The following MASP2 variants were observed in gnomAD, a reference collection of about 807,000 sequenced individuals.
The protein encoded by MASP2 is mannan-binding lectin serine protease 2.
In MASP2, 49 loss-of-function variants were observed where a neutral mutation model predicts 57.1. The observed-to-expected ratio is 0.86, with a 90% CI of 0.68 to 1.09. The LOEUF (loss-of-function observed/expected upper bound fraction) is 1.09. Among genes scored for constraint, MASP2 ranks in the 50% least tolerant of loss-of-function variants. The pLI is 0.00. For synonymous variants in MASP2, 379 were observed against 340.8 expected (o/e 1.11, Z -1.24); for missense variants, 900 against 874.8 (o/e 1.03, Z -0.36).
chr1:11,045,327 C>A (rs1484589177), intron 4 of MASP2, 81 bp downstream of exon 4: 2 of 1,600,294 alleles, frequency 1.2e-6, no homozygotes, highest in South Asian at 2.2e-5. Flanking sequence ...CCTCCGCACC[C>A]CTGGGCAGAG....
rs1200215608 is a variant in MASP2 at position 11,033,955 on chromosome 1, ACACACACACACTCTCTCT to A, written c.1087+855_1087+872del. Among the ~76,000 whole-genome samples the A allele has an allele frequency of 5.6e-4, 39 of 69,622 alleles. 1 individual carries two copies. The highest frequency in any genetic ancestry group is 3.4e-3 in the Admixed American group (22 of 6,420). The allele number at this position is 69,622 out of a possible 152,430, so 45.7% of individuals were successfully genotyped here. On this transcript the variant is annotated intron_variant, in intron 8 of 10. Coordinates refer to ENST00000400897, the MANE Select transcript of MASP2 (RefSeq NM_006610.4). ...CACACACACACACACACACACACAC[ACACACACACACTCTCTCT>A]CTCTCTCTCTCTCACACACTTTGGG...
chr1:11,034,508 G>C (rs1643874206), intron 8 of MASP2, among the ~76,000 whole-genome samples: 1 of 151,690 alleles, frequency 6.6e-6, no homozygotes, highest in African/African-American at 2.4e-5. Context: ...GACCAGCCTG[G>C]GCAACATGGC....
chr1:11,046,302 T>C (rs10779750), intron 3 of MASP2: 443,758 of 546,392 alleles, frequency 0.81, 180,789 homozygotes, highest in African/African-American at 0.89. Flanking sequence ...CGTGAGCTGC[T>C]GCGCCCGGCC....
At chr1:11,046,534 T>G in intron 3 of MASP2, 22 bp downstream of exon 3, 1 of 1,613,494 alleles carries the variant, frequency 6.2e-7, no homozygotes, top group Non-Finnish European at 8.5e-7. Flanking sequence ...ACTGAGATGT[T>G]GCAGGACCCC....
chr1:11,030,275 A>T, intron 9 of MASP2, 25 bp from the exon 10 acceptor site: 1 of 1,528,838 alleles, frequency 6.5e-7, no homozygotes, highest in Non-Finnish European at 9.0e-7. Context: ...AAAAGCAAAA[A>T]TGTTTAACTG....
chr1:11,031,055 C>T (rs1005592163), intron 8 of MASP2, among the ~76,000 whole-genome samples, 173 bp from the exon 9 acceptor site: 3 of 151,284 alleles, frequency 2.0e-5, no homozygotes, highest in Non-Finnish European at 2.9e-5. Context: ...GTTAAAAAGC[C>T]GAGCATGGTG....
Position 11,042,868 on chromosome 1 carries a change from T to C in MASP2, c.889+7A>G. ...TTCCAGCCAAGATCTGAGACCCACT[T>C]GCTCACCTGTGCTCGTGTAGTGGAT... is the stretch of plus-strand genomic sequence containing the variant. On this transcript the variant is annotated splice_region_variant and intron_variant, in intron 6 of 10. Coordinates refer to ENST00000400897, the MANE Select transcript of MASP2 (RefSeq NM_006610.4). 6.2e-7 allele frequency: 1 copy of C among 1,613,520 alleles called. No individual in the cohort carries two copies. The highest frequency in any genetic ancestry group is 8.5e-7 in the Non-Finnish European group (1 of 1,179,604).
At chr1:11,043,161 C>G in intron 5 of MASP2, 139 bp from the exon 6 acceptor site, 1 of 1,018,248 alleles carries the variant, frequency 9.8e-7, no homozygotes, top group Non-Finnish European at 1.4e-6. Context: ...CCCCTCCCCA[C>G]TCTGCCTCCC....
chr1:11,038,065 A>G (rs578109204), intron 6 of MASP2, among the ~76,000 whole-genome samples: 1 of 152,294 alleles, frequency 6.6e-6, no homozygotes, highest in South Asian at 2.1e-4. Flanking sequence ...AAGATGGTGC[A>G]GTCCCCACAA....
rs1173891445 is a variant in MASP2, at chr1:11,043,020, A to T, written c.744T>A (p.Ile248=). Residue 248 remains isoleucine, a splice_region_variant and synonymous_variant, in exon 6 of 11, where the codon ATT becomes ATA. Coordinates refer to ENST00000400897, the MANE Select transcript of MASP2 (RefSeq NM_006610.4). ...GGCCATGTTCTTCTCTGTCTGTTTG[A>T]ATCTGAGAAAGAAGCTCATGAAAGC... ...ETLCPYDFLK[I]QTDREEHGPF... is the part of the protein sequence containing the mutation. The T allele has an allele frequency of 1.9e-6, 3 of 1,613,472 alleles. No homozygotes were observed. Among genetic ancestry groups the T allele is most frequent in the Non-Finnish European group, 1.7e-6 (2 of 1,179,602 alleles).
chr1:11,043,668 G>A, intron 4 of MASP2, 133 bp from the exon 5 acceptor site: 1 of 666,704 alleles, frequency 1.5e-6, no homozygotes, highest in Non-Finnish European at 2.5e-6. Flanking sequence ...CCCTGGGTTG[G>A]GCTGGGCCCT....
chr1:11,043,172 A>G (rs903475364), intron 5 of MASP2, 150 bp from the exon 6 acceptor site: 31 of 994,732 alleles, frequency 3.1e-5, no homozygotes, highest in Non-Finnish European at 4.3e-5. Flanking sequence ...TCTGCCTCCC[A>G]CACTTGTACT....
At chr1:11,032,675 A>G (rs1046042694) in intron 8 of MASP2, among the ~76,000 whole-genome samples, 1 of 151,438 alleles carries the variant, frequency 6.6e-6, no homozygotes, top group Non-Finnish European at 1.5e-5. Flanking sequence ...TTGGGAGGCC[A>G]AGGCAGGTGG....
In MASP2 at chr1:11,047,184, G is replaced by T. The variant is rs2100910316; in HGVS notation, c.5+19C>A. 2 of 1,560,310 alleles carry T rather than the reference G, an allele frequency of 1.3e-6. No individual in the cohort carries two copies. Among genetic ancestry groups the T allele is most frequent in the South Asian group, 1.2e-5 (1 of 84,938 alleles). On this transcript the variant is annotated intron_variant, in intron 1 of 10. Transcript: ENST00000400897. Reference sequence around the variant, plus strand: ...CTCCCACCCCACACCCTGCAGGGAGGCTGTGGGCGCCCACCTACCTCATGG... The same window carrying T: ...CTCCCACCCCACACCCTGCAGGGAGTCTGTGGGCGCCCACCTACCTCATGG...
chr1:11,044,770 T>C, intron 4 of MASP2: 389 of 828,368 alleles, frequency 4.7e-4, no homozygotes, highest in Middle Eastern at 8.7e-4. Context: ...CTCCCGACCC[T>C]CCCACCCCAG....
rs775601413 is a variant in MASP2, at chr1:11,037,768, A to G, written c.933T>C (p.Val311=). ...GGATGTATTTGGCTTGCACAGGTGA[A>G]ACGTGGCCATTAGGTGGCGCCATCG... ...PYPMAPPNGH[V]SPVQAKYILK... Residue 311 remains valine (V), a synonymous_variant, in exon 7 of 11, where the codon GTT becomes GTC. Coordinates refer to ENST00000400897, the MANE Select transcript of MASP2 (RefSeq NM_006610.4). The G allele has an allele frequency of 6.2e-7, 1 of 1,613,174 alleles. No homozygotes were observed. The highest frequency in any genetic ancestry group is 1.1e-5 in the South Asian group (1 of 90,822).
At chr1:11,035,722 C>G (rs974200686) in intron 7 of MASP2, among the ~76,000 whole-genome samples, 1 of 151,818 alleles carries the variant, frequency 6.6e-6, no homozygotes, top group Admixed American at 6.6e-5. Context: ...TAGTGAGACC[C>G]CCACCTCTAC....
In MASP2 at chr1:11,034,809, A is replaced by G. The variant is rs1247886197; in HGVS notation, c.1087+19T>C. ...AGTTCCGGGCGGTTATGGGGCCTGT[A>G]GTCACCACACGACCGTACTGCTGCA... is the stretch of plus-strand genomic sequence containing the variant. On this transcript the variant is annotated intron_variant, in intron 8 of 10. Coordinates refer to ENST00000400897, the MANE Select transcript of MASP2 (RefSeq NM_006610.4). 1.3e-6 allele frequency: 2 copies of G among 1,590,542 alleles called. No homozygotes were observed. The highest frequency in any genetic ancestry group is 1.7e-4 in the Middle Eastern group (1 of 5,958).
At chr1:11,043,209 A>T in intron 5 of MASP2, 130 bp downstream of exon 5, 1 of 990,740 alleles carries the variant, frequency 1.0e-6, no homozygotes, top group Non-Finnish European at 1.5e-6. Flanking sequence ...GGACCTCCAT[A>T]GAGCACCTGA....
Sources: allele counts gnomAD v4.1 joint callset (sites outside exome capture counted in the v4.1 genomes callset), GRCh38; gene constraint gnomAD v4.1.1; transcripts MANE v1.5; gene names NCBI Gene and HGNC (gene_info 2026-07-23, HGNC 2026-07-21).